SYT14: variants seen among roughly 807,000 people sequenced by gnomAD.
The protein encoded by SYT14 is synaptotagmin 14, also known as synaptotagmin-14.
SYT14 carries 32 observed loss-of-function variants against 74.2 expected under a neutral mutation model. The ratio of observed to expected loss-of-function variants is 0.43; its 90% CI spans 0.33 to 0.58. The LOEUF is 0.58. SYT14 is among the 20% of genes least tolerant of loss of function. The probability of loss-of-function intolerance (pLI) is 0.05; values close to 1 mark genes in which losing one functional copy is unlikely to be tolerated. For missense variants in SYT14, 791 were observed against 981.8 expected (o/e 0.81, Z 2.60); for synonymous variants, 298 against 337.7 (o/e 0.88, Z 1.29).
intron 2 of SYT14, among the ~76,000 whole-genome samples, chr1:209,956,476 GA>G (rs1264601764): frequency 1.3e-5 from 2 of 151,970 alleles, no homozygotes; most frequent in African/African-American, 2.4e-5. Context: ...GAGTGTGGGG[GA>G]AAAAAAGGGG....
intron 7 of SYT14, among the ~76,000 whole-genome samples, chr1:210,139,620 C>T (rs912390619): frequency 6.6e-6 from 1 of 152,112 alleles, no homozygotes; most frequent in African/African-American, 2.4e-5. Flanking sequence ...ATTATCCCCG[C>T]CACGAAAACT....
intron 5 of SYT14, among the ~76,000 whole-genome samples, chr1:210,042,519 C>G (rs1452693178): frequency 6.6e-6 from 1 of 152,146 alleles, no homozygotes; most frequent in Admixed American, 6.5e-5. Flanking sequence ...TTTAATCCAT[C>G]TTGAGTTAAT....
At chr1:209,940,068 A>C (rs1412545554) in intron 1 of SYT14, among the ~76,000 whole-genome samples, 1 of 152,244 alleles carries the variant, frequency 6.6e-6, no homozygotes, top group Non-Finnish European at 1.5e-5. Context: ...TTAAGTTTTC[A>C]TAATACAAAG....
chr1:210,059,451 T>TATATAGAG lies in SYT14; in HGVS notation c.1313-34870_1313-34869insTATAGAGA, dbSNP rs377050610. Among the ~76,000 whole-genome samples, 286 of 69,878 alleles carry TATATAGAG rather than the reference T, an allele frequency of 4.1e-3. 2 individuals are homozygous for TATATAGAG. Among genetic ancestry groups the TATATAGAG allele is most frequent in the Middle Eastern group, 0.012 (1 of 86 alleles). 45.8% of individuals were successfully genotyped at this position (69,878 alleles called of 152,430 possible). On this transcript the variant is annotated intron_variant, in intron 5 of 9. Coordinates refer to ENST00000637265, the Ensembl canonical transcript of SYT14. ...GAATATATATATATATATATATATA[T>TATATAGAG]AGAGAGAGAGAGAGAGAGAGAGAGA...
chr1:209,953,861 A>G (rs947185514), intron 2 of SYT14, among the ~76,000 whole-genome samples: 3 of 152,188 alleles, frequency 2.0e-5, no homozygotes, highest in African/African-American at 7.2e-5. Flanking sequence ...AGTTTCATGA[A>G]ATCTCAAATT....
exon 10 of SYT14, chr1:210,163,140 A>G (rs1346225490): frequency 6.6e-6 from 3 of 453,434 alleles, no homozygotes; most frequent in Non-Finnish European, 1.3e-5. Context: ...TTCCTAATAA[A>G]AAGAGTTATC....
At chr1:210,056,743 G>T (rs375389805) in intron 5 of SYT14, among the ~76,000 whole-genome samples, 37 of 150,560 alleles carry the variant, frequency 2.5e-4, no homozygotes, top group East Asian at 2.2e-3. Context: ...GGAGAATCAC[G>T]CCACTGCACT....
intron 2 of SYT14, among the ~76,000 whole-genome samples, chr1:209,993,233 C>T (rs1024017943): frequency 6.6e-6 from 1 of 152,318 alleles, no homozygotes; most frequent in Non-Finnish European, 1.5e-5. Flanking sequence ...GGGCTGGCTT[C>T]GCCATGGAAC....
At chr1:210,088,873 C>T (rs527637533) in intron 5 of SYT14, among the ~76,000 whole-genome samples, 117 of 134,004 alleles carry the variant, frequency 8.7e-4, no homozygotes, top group Middle Eastern at 4.2e-3. Flanking sequence ...TTATCATTCT[C>T]TTCAGGATAT....
intron 5 of SYT14, among the ~76,000 whole-genome samples, chr1:210,069,877 A>AT (rs2081362663): frequency 6.6e-6 from 1 of 151,382 alleles, no homozygotes; most frequent in Admixed American, 6.6e-5. Context: ...AGTGTGCAAA[A>AT]TTTTTTGATG....
chr1:209,965,680 T>C (rs1460603048), intron 2 of SYT14, among the ~76,000 whole-genome samples: 1 of 152,174 alleles, frequency 6.6e-6, no homozygotes, highest in African/African-American at 2.4e-5. Context: ...CCATCAACAG[T>C]CCGTAAGCAT....
At chr1:210,130,108 A>G (rs1558209729) in intron 7 of SYT14, among the ~76,000 whole-genome samples, 1 of 152,198 alleles carries the variant, frequency 6.6e-6, no homozygotes, top group African/African-American at 2.4e-5. Context: ...CATTCAGAAA[A>G]CTATTATAAA....
At chr1:210,077,525 A>G (rs891417145) in intron 5 of SYT14, among the ~76,000 whole-genome samples, 4 of 152,218 alleles carry the variant, frequency 2.6e-5, no homozygotes, top group East Asian at 1.9e-4. Context: ...CCTTTTGGCT[A>G]CTATATGAGT....
intron 5 of SYT14, among the ~76,000 whole-genome samples, chr1:210,071,340 TAGA>T (rs749081381): frequency 1.1e-3 from 94 of 87,050 alleles, no homozygotes; most frequent in Non-Finnish European, 2.2e-3. Flanking sequence ...CAAGTCCTTA[TAGA>T]AGGAGTAATA....
exon 10 of SYT14, chr1:210,170,839 G>A (rs1407814768): frequency 6.6e-6 from 1 of 152,010 alleles, no homozygotes; most frequent in African/African-American, 2.4e-5. Flanking sequence ...AAAGGTTTGG[G>A]TCATATTATT....
intron 5 of SYT14, among the ~76,000 whole-genome samples, chr1:210,034,490 TA>T (rs1224889185): frequency 6.6e-6 from 1 of 151,704 alleles, no homozygotes; most frequent in Non-Finnish European, 1.5e-5. Context: ...TGTTGTTGCA[TA>T]GATATATTGC....
At chr1:210,098,683 A>G (rs2082008398) in intron 6 of SYT14, among the ~76,000 whole-genome samples, 1 of 149,332 alleles carries the variant, frequency 6.7e-6, no homozygotes, top group East Asian at 2.0e-4. Context: ...TCTTGTGGAC[A>G]GTGTTTTTTT....
At chr1:209,964,701 A>C (rs957316777) in intron 2 of SYT14, among the ~76,000 whole-genome samples, 5 of 152,242 alleles carry the variant, frequency 3.3e-5, no homozygotes, top group South Asian at 4.1e-4. Context: ...TTCCTCAGCA[A>C]TGAAAATGCA....
At chr1:210,142,683 A>G (rs933029047) in intron 7 of SYT14, among the ~76,000 whole-genome samples, 3 of 152,172 alleles carry the variant, frequency 2.0e-5, no homozygotes, top group Non-Finnish European at 4.4e-5. Context: ...AAAAGTAAGT[A>G]ACAGATTGAG....
Sources: gnomAD v4.1 joint callset for allele counts (sites outside exome capture counted in the v4.1 genomes callset) on GRCh38, gnomAD v4.1.1 for gene constraint, MANE v1.5 for transcripts, NCBI Gene and HGNC (gene_info 2026-07-23, HGNC 2026-07-21) for gene names.